The following MED13L variants were observed in gnomAD, a reference collection of about 807,000 sequenced individuals.
MED13L encodes mediator complex subunit 13L.
Under a neutral mutation model 220.9 loss-of-function variants are expected in MED13L, and 7 were observed. That is an observed-to-expected ratio of 0.03 (90% CI 0.02 to 0.06). The LOEUF (loss-of-function observed/expected upper bound fraction) is 0.06. Ranked by LOEUF, MED13L falls within the 10% of genes least tolerant of loss-of-function variation. MED13L has a pLI of 1.00. For missense variants in MED13L, 1,965 were observed against 2,760.5 expected (o/e 0.71, Z 6.46); for synonymous variants, 1,011 against 1,015.2 (o/e 1.00, Z 0.08).
At chr12:116,144,151 A>G (rs568788786) in intron 2 of MED13L, among the ~76,000 whole-genome samples, 1 of 152,186 alleles carries the variant, frequency 6.6e-6, no homozygotes, top group African/African-American at 2.4e-5. Context: ...AGCTTAACTC[A>G]CAGCCCTGAA....
chr12:116,026,117 T>C (rs1880376013), intron 4 of MED13L, among the ~76,000 whole-genome samples: 1 of 151,922 alleles, frequency 6.6e-6, no homozygotes, highest in African/African-American at 2.4e-5. Flanking sequence ...TTTGGAATGG[T>C]GGGATGTGAC....
Position 116,277,054 on chromosome 12 carries a change from A to C in MED13L, c.72+6T>G. ...ACAGCCCCCTCCCCGCAGCCCGGCTACTCACCAGCGAAAAGAGGTTGGAGT... is the reference window on the plus strand; with the variant it reads ...ACAGCCCCCTCCCCGCAGCCCGGCTCCTCACCAGCGAAAAGAGGTTGGAGT... On this transcript the variant is annotated splice_donor_region_variant and intron_variant, in intron 1 of 30. Transcript: ENST00000281928. 6.4e-7 allele frequency: 1 copy of C among 1,563,076 alleles called. No individual in the cohort carries two copies.
chr12:116,237,448 G>GA lies in MED13L; in HGVS notation c.310+19dup, dbSNP rs777212139. 11 of 1,559,016 alleles carry GA rather than the reference G, an allele frequency of 7.1e-6. No individual in the cohort carries two copies. Among genetic ancestry groups the GA allele is most frequent in the East Asian group, 4.5e-5 (2 of 44,586 alleles). ...AAAATATGATGCAAATAATTTTTAA[G>GA]AAAAAAACAGAAACCTTACCCTGCA... On this transcript the variant is annotated intron_variant, in intron 2 of 30. Transcript: ENST00000281928.
chr12:116,149,167 T>G (rs1296474777), intron 2 of MED13L, among the ~76,000 whole-genome samples: 1 of 152,212 alleles, frequency 6.6e-6, no homozygotes, highest in Admixed American at 6.5e-5. Context: ...CATAAGACTT[T>G]CCTCATATCC....
chr12:116,154,338 A>G (rs1003697301), intron 2 of MED13L, among the ~76,000 whole-genome samples: 5 of 152,190 alleles, frequency 3.3e-5, no homozygotes, highest in South Asian at 2.1e-4. Flanking sequence ...CACACCTGCA[A>G]TAAGTCTGGA....
intron 2 of MED13L, among the ~76,000 whole-genome samples, chr12:116,235,487 C>G (rs1392315559): frequency 1.3e-5 from 2 of 152,112 alleles, no homozygotes; most frequent in African/African-American, 4.8e-5. Context: ...CTCTTTCAGA[C>G]TTCAGTATTT....
chr12:116,246,592 G>A (rs1055056051), intron 1 of MED13L, among the ~76,000 whole-genome samples: 1 of 149,714 alleles, frequency 6.7e-6, no homozygotes, highest in African/African-American at 2.5e-5. Flanking sequence ...GCAGAAGGAC[G>A]ACTTGACCTA....
chr12:116,209,567 G>T (rs756948791), intron 2 of MED13L, among the ~76,000 whole-genome samples: 9 of 152,002 alleles, frequency 5.9e-5, no homozygotes, highest in Non-Finnish European at 1.3e-4. Context: ...TGAAAATCAT[G>T]GCTCTTCACT....
chr12:116,250,352 GA>G (rs1229269348), intron 1 of MED13L, among the ~76,000 whole-genome samples: 1 of 150,620 alleles, frequency 6.6e-6, no homozygotes, highest in Non-Finnish European at 1.5e-5. Context: ...AATGTAACTA[GA>G]ATAATTTTTT....
intron 3 of MED13L, among the ~76,000 whole-genome samples, chr12:116,102,516 T>C (rs1037407619): frequency 5.9e-5 from 9 of 152,092 alleles, no homozygotes; most frequent in African/African-American, 1.4e-4. Context: ...TACTTCATAA[T>C]AGAGTATCTC....
At chr12:116,266,528 C>T (rs1248641566) in intron 1 of MED13L, among the ~76,000 whole-genome samples, 1 of 152,148 alleles carries the variant, frequency 6.6e-6, no homozygotes, top group African/African-American at 2.4e-5. Flanking sequence ...CTCTGACTGC[C>T]AGGACTATAA....
At chr12:116,046,955 A>G (rs1447931505) in intron 4 of MED13L, among the ~76,000 whole-genome samples, 1 of 152,196 alleles carries the variant, frequency 6.6e-6, no homozygotes, top group African/African-American at 2.4e-5. Flanking sequence ...CCTGGGCGAC[A>G]GAGTGAGACT....
chr12:115,966,291 T>C (rs1160377994), intron 28 of MED13L, 48 bp from the exon 29 acceptor site: 4 of 1,608,618 alleles, frequency 2.5e-6, no homozygotes, highest in South Asian at 1.1e-5. Flanking sequence ...ATCTTAAAGC[T>C]TGAAAAATGA....
chr12:116,061,495 G>A (rs1869478333), intron 4 of MED13L, among the ~76,000 whole-genome samples: 1 of 151,964 alleles, frequency 6.6e-6, no homozygotes, highest in South Asian at 2.1e-4. Context: ...TACAAAGTAA[G>A]ATAATAATGC....
chr12:116,128,689 A>G (rs1442676226), intron 2 of MED13L, among the ~76,000 whole-genome samples: 1 of 152,230 alleles, frequency 6.6e-6, no homozygotes, highest in African/African-American at 2.4e-5. Context: ...GCTCTTAATC[A>G]CTATAAATTT....
intron 2 of MED13L, among the ~76,000 whole-genome samples, chr12:116,151,104 G>A (rs1004151428): frequency 1.3e-5 from 2 of 151,992 alleles, no homozygotes; most frequent in Admixed American, 6.6e-5. Flanking sequence ...ATTAAGAGGG[G>A]GGAAATGAGA....
intron 4 of MED13L, among the ~76,000 whole-genome samples, chr12:116,062,180 T>C (rs1593000114): frequency 6.6e-6 from 1 of 151,898 alleles, no homozygotes; most frequent in Admixed American, 6.6e-5. Context: ...TGAGATGGGA[T>C]TTTGCTCTGA....
chr12:116,064,582 C>G (rs1869770636), intron 4 of MED13L, among the ~76,000 whole-genome samples: 1 of 152,224 alleles, frequency 6.6e-6, no homozygotes, highest in Admixed American at 6.5e-5. Flanking sequence ...CAACAGCTTA[C>G]TTGATGTCTC....
Position 116,124,123 on chromosome 12 carries a change from C to CGAGAGAGAGAGAGAGAGA in MED13L, c.311-12629_311-12612dup, listed in dbSNP as rs58366115. ...ACATCTGCAGAGAGAGAGAGAAAGA[C>CGAGAGAGAGAGAGAGAGA]GAGAGAGAGAGAGAGAGAGAGAGAG... On this transcript the variant is annotated intron_variant, in intron 2 of 30. Transcript: ENST00000281928. Among the ~76,000 whole-genome samples, 911 of 133,162 alleles carry CGAGAGAGAGAGAGAGAGA rather than the reference C, an allele frequency of 6.8e-3. 9 individuals carry two copies. The highest frequency in any genetic ancestry group is 8.5e-3 in the Admixed American group (113 of 13,332). The allele number at this position is 133,162 out of a possible 152,430, so 87.4% of individuals were successfully genotyped here. A position where few individuals can be genotyped will look rare whatever the true frequency, so the allele number is the denominator to read the frequency against.
Sources: allele counts gnomAD v4.1 joint callset (sites outside exome capture counted in the v4.1 genomes callset), GRCh38; gene constraint gnomAD v4.1.1; transcripts MANE v1.5; gene names NCBI Gene and HGNC (gene_info 2026-07-23, HGNC 2026-07-21).